Variants in HPCAL4 observed in about 807,000 individuals in gnomAD.
The protein encoded by HPCAL4 is hippocalcin like 4, also known as hippocalcin-like protein 4.
In HPCAL4, 16 loss-of-function variants were observed where a neutral mutation model predicts 18.2. The observed-to-expected ratio is 0.88, with a 90% CI of 0.59 to 1.33. The LOEUF (loss-of-function observed/expected upper bound fraction) is 1.33, where lower values mean the gene tolerates loss of function less well. HPCAL4 is among the 40% of genes most tolerant of loss of function. HPCAL4 has a pLI of 0.00. For synonymous variants in HPCAL4, 80 were observed against 97.5 expected, an observed-to-expected ratio of 0.82 and a Z score of 1.06; for missense variants, 214 against 256.6, an observed-to-expected ratio of 0.83 and a Z score of 1.14.
In HPCAL4 at chr1:39,682,616, T is replaced by C. The variant is rs1223602193; in HGVS notation, c.496A>G (p.Ile166Val). 1 of 1,614,224 alleles carries C rather than the reference T, an allele frequency of 6.2e-7. No homozygotes were observed. The highest frequency in any genetic ancestry group is 2.2e-5 in the East Asian group (1 of 44,874). ...GCCTCCTTGAACTCCTCCAATGTAA[T>C]CTGGTCGTCCTTATCCTGGTCCATC... ...KKMDQDKDDQ[I>V]TLEEFKEAAK... is the part of the protein sequence containing the mutation. The change falls in exon 4 of 4, where the codon ATT becomes GTT. Residue 166 changes from isoleucine to valine, a missense_variant. By Grantham distance (29) the Ile-to-Val change is conservative (BLOSUM62 3). Coordinates refer to ENST00000372844, the MANE Select transcript of HPCAL4 (RefSeq NM_016257.4).
At chr1:39,687,730 C>G (rs1436529699) in intron 1 of HPCAL4, among the ~76,000 whole-genome samples, 3 of 151,990 alleles carry the variant, frequency 2.0e-5, no homozygotes, top group African/African-American at 7.3e-5. Context: ...ATAAGGAAAC[C>G]CTGTTTCTAC....
intron 1 of HPCAL4, among the ~76,000 whole-genome samples, chr1:39,690,141 C>T (rs1646707019): frequency 6.6e-6 from 1 of 152,070 alleles, no homozygotes; most frequent in Admixed American, 6.6e-5. Context: ...ACCAACCCCG[C>T]CCCCCTCAGG....
chr1:39,689,821 T>G (rs1336139923), intron 1 of HPCAL4, among the ~76,000 whole-genome samples: 2 of 151,970 alleles, frequency 1.3e-5, no homozygotes, highest in African/African-American at 4.8e-5. Flanking sequence ...GGTACTGAGG[T>G]GGTTGCCATG....
rs1420921240 is a variant in HPCAL4 at position 39,682,504 on chromosome 1, T to C, written c.*32A>G. The C allele has an allele frequency of 2.0e-5, 33 of 1,610,862 alleles. No homozygotes were observed. Among genetic ancestry groups the C allele is most frequent in the Non-Finnish European group, 2.7e-5 (32 of 1,177,398 alleles). ...TCAGGTTGGGAGGTGGCCATGCCCC[T>C]TCTGGCCAGGGACCCTGCCCCTCAC... On this transcript the variant is annotated 3_prime_UTR_variant, in exon 4 of 4. Coordinates refer to ENST00000372844, the MANE Select transcript of HPCAL4 (RefSeq NM_016257.4).
intron 1 of HPCAL4, among the ~76,000 whole-genome samples, chr1:39,690,613 C>A (rs1646710558): frequency 6.6e-6 from 1 of 152,022 alleles, no homozygotes; most frequent in African/African-American, 2.4e-5. Context: ...GGGGTGGTGT[C>A]TTTGGTTCAT....
In HPCAL4 at chr1:39,680,155, A is replaced by G. The variant is rs1646613532; in HGVS notation, c.*2381T>C. 1 of 152,628 alleles carries G rather than the reference A, an allele frequency of 6.6e-6. No individual in the cohort carries two copies. Among genetic ancestry groups the G allele is most frequent in the Non-Finnish European group, 1.5e-5 (1 of 68,040 alleles). The allele number at this position is 152,628 out of a possible 1,614,324, so 9.5% of individuals were successfully genotyped here. The stretch of plus-strand genomic sequence containing the variant: ...GCCTATAAAGGATGAATATCAATGT[A>G]ACTTGCCCTGCTGTCAACCTCTGCA... On this transcript the variant is annotated 3_prime_UTR_variant, in exon 4 of 4. Coordinates refer to ENST00000372844, the MANE Select transcript of HPCAL4 (RefSeq NM_016257.4).
In HPCAL4 at chr1:39,684,590, T is replaced by C. The variant is rs1476706992; in HGVS notation, c.14A>G (p.Asn5Ser). The change falls in exon 2 of 4, where the codon AAC (asparagine) becomes AGC (serine). Residue 5 changes from asparagine to serine, a missense_variant. Transcript: ENST00000372844. ...CAGCACCTCGGGGGCCAGCTTGCTG[T>C]TGGTCTTCCCCATGGCGGGGCCTGT... The part of the protein sequence containing the change: MGKT[N>S]SKLAPEVLED... The C allele has an allele frequency of 1.9e-6, 3 of 1,603,052 alleles. No individual in the cohort carries two copies. Among genetic ancestry groups the C allele is most frequent in the African/African-American group, 2.7e-5 (2 of 74,604 alleles).
rs902943272 is a variant in HPCAL4, at chr1:39,680,989, G to C, written c.*1547C>G. 2 of 152,722 alleles carry C rather than the reference G, an allele frequency of 1.3e-5. No individual in the cohort carries two copies. The highest frequency in any genetic ancestry group is 4.8e-5 in the African/African-American group (2 of 41,558). 9.5% of individuals were successfully genotyped at this position (152,722 alleles called of 1,614,324 possible). A position where few individuals can be genotyped will look rare whatever the true frequency, so the allele number is the denominator to read the frequency against. On this transcript the variant is annotated 3_prime_UTR_variant, in exon 4 of 4. Coordinates refer to ENST00000372844, the MANE Select transcript of HPCAL4 (RefSeq NM_016257.4). Reference sequence around the variant, plus strand: ...ACCTGTGTACTAGACTGTTTTCACCGGCAGTTCAAGAGGAAATCAACTGTC... The same window carrying C: ...ACCTGTGTACTAGACTGTTTTCACCCGCAGTTCAAGAGGAAATCAACTGTC...
rs2124182395 is a variant in HPCAL4 at position 39,681,415 on chromosome 1, CTT to C, written c.*1119_*1120del. The C allele has an allele frequency of 6.6e-6, 1 of 152,342 alleles. No homozygotes were observed. The highest frequency in any genetic ancestry group is 2.4e-5 in the African/African-American group (1 of 41,578). The allele number at this position is 152,342 out of a possible 1,614,324, so 9.4% of individuals were successfully genotyped here. A position where few individuals can be genotyped will look rare whatever the true frequency, so the allele number is the denominator to read the frequency against. ...ATACGGAATATACACTAGTTTCACTCTTTGCAAACCTTGCTTTTTCCTGTCCC... is the reference window on the plus strand; with the variant it reads ...ATACGGAATATACACTAGTTTCACTCTGCAAACCTTGCTTTTTCCTGTCCC... On this transcript the variant is annotated 3_prime_UTR_variant, in exon 4 of 4. Coordinates refer to ENST00000372844, the MANE Select transcript of HPCAL4 (RefSeq NM_016257.4).
At chr1:39,685,705 C>A (rs535548750) in intron 1 of HPCAL4, among the ~76,000 whole-genome samples, 12 of 152,046 alleles carry the variant, frequency 7.9e-5, no homozygotes, top group African/African-American at 2.2e-4. Flanking sequence ...CGGTGAAACC[C>A]TGTCTCTACT....
In HPCAL4 at chr1:39,684,048, C is replaced by G; in HGVS notation, c.267G>C (p.Leu89=). ...CGAAGCTGCCGCGGGAGGTGACCGA[C>G]AGGGCGCAGATGAACTCCCGGAAGT... ...TIDFREFICA[L]SVTSRGSFEQ... Residue 89 remains leucine (L), a synonymous_variant, in exon 3 of 4, where the codon CTG becomes CTC. Transcript: ENST00000372844. 1.9e-6 allele frequency: 3 copies of G among 1,614,036 alleles called. No individual in the cohort carries two copies. Among genetic ancestry groups the G allele is most frequent in the Non-Finnish European group, 2.5e-6 (3 of 1,179,930 alleles).
At chr1:39,689,535 AAAGTG>A (rs1418235526) in intron 1 of HPCAL4, among the ~76,000 whole-genome samples, 1 of 152,230 alleles carries the variant, frequency 6.6e-6, no homozygotes, top group Non-Finnish European at 1.5e-5. Context: ...CATCAGCAGC[AAAGTG>A]AAGGCCAGAA....
Position 39,682,724 on chromosome 1 carries a change from T to C in HPCAL4, c.388A>G (p.Lys130Glu). ...EMLEIIEAIY[K>E]MVGTVIMMRM... The stretch of plus-strand genomic sequence containing the variant: ...ATCATGATCACGGTGCCCACCATCT[T>C]GTAGATTGCCTGGTGAGGGAAGGAG... Residue 130 changes from lysine (K) to glutamate (E), a missense_variant, in exon 4 of 4, where the codon AAG becomes GAG. By Grantham distance (56) the Lys-to-Glu change is moderately conservative (BLOSUM62 1). Transcript: ENST00000372844. 1 of 1,614,028 alleles carries C rather than the reference T, an allele frequency of 6.2e-7. No individual in the cohort carries two copies. The highest frequency in any genetic ancestry group is 8.5e-7 in the Non-Finnish European group (1 of 1,180,012).
In HPCAL4 at chr1:39,683,931, C is replaced by G. The variant is rs375337091; in HGVS notation, c.378+6G>C. ...CGGGAACAGCAGCGCCCGCGCGGCC[C>G]CGCACCTCGATGATCTCCAGCATCT... On this transcript the variant is annotated splice_donor_region_variant and intron_variant, in intron 3 of 3. Coordinates refer to ENST00000372844, the MANE Select transcript of HPCAL4 (RefSeq NM_016257.4). 340 of 1,612,232 alleles carry G rather than the reference C, an allele frequency of 2.1e-4. No individual in the cohort carries two copies. The highest frequency in any genetic ancestry group is 2.8e-4 in the Non-Finnish European group (329 of 1,179,316).
chr1:39,679,735 G>A lies in HPCAL4; in HGVS notation c.*2801C>T, dbSNP rs546757443. 12 of 152,342 alleles carry A rather than the reference G, an allele frequency of 7.9e-5. No homozygotes were observed. In the South Asian group the frequency reaches 2.3e-3, roughly 29 times the overall value. The allele number at this position is 152,342 out of a possible 1,614,324, so 9.4% of individuals were successfully genotyped here. The stretch of plus-strand genomic sequence containing the variant: ...AGCACACAGTCCCTGGGACACCCAG[G>A]AGTATGCAGGAGCATGTCCTGGGCC... On this transcript the variant is annotated 3_prime_UTR_variant, in exon 4 of 4. Coordinates refer to ENST00000372844, the MANE Select transcript of HPCAL4 (RefSeq NM_016257.4).
Position 39,682,440 on chromosome 1 carries a change from G to T in HPCAL4, c.*96C>A. The T allele has an allele frequency of 8.6e-7, 1 of 1,159,966 alleles. No individual in the cohort carries two copies. The highest frequency in any genetic ancestry group is 1.3e-6 in the Non-Finnish European group (1 of 791,458). The allele number at this position is 1,159,966 out of a possible 1,614,324, so 71.9% of individuals were successfully genotyped here. A position where few individuals can be genotyped will look rare whatever the true frequency, so the allele number is the denominator to read the frequency against. On this transcript the variant is annotated 3_prime_UTR_variant, in exon 4 of 4. Transcript: ENST00000372844. ...ACTGGGTGGGCCAGAGAGGGGGGCTGGAGTGTCCCTCCTCCTGGGAGGCCA... is the reference window on the plus strand; with the variant it reads ...ACTGGGTGGGCCAGAGAGGGGGGCTTGAGTGTCCCTCCTCCTGGGAGGCCA...
chr1:39,687,963 AAG>A (rs1467462018), intron 1 of HPCAL4, among the ~76,000 whole-genome samples: 1 of 152,182 alleles, frequency 6.6e-6, no homozygotes, highest in African/African-American at 2.4e-5. Flanking sequence ...CGTGCCCTTT[AAG>A]ATCATCCCCT....
chr1:39,683,289 G>T (rs935025368), intron 3 of HPCAL4, among the ~76,000 whole-genome samples: 1 of 152,164 alleles, frequency 6.6e-6, no homozygotes, highest in African/African-American at 2.4e-5. Context: ...CTCCCCGTAT[G>T]ACCACCTTCC....
chr1:39,684,900 C>G (rs2090434), intron 1 of HPCAL4, among the ~76,000 whole-genome samples: 127,132 of 152,192 alleles, frequency 0.84, 53,164 homozygotes, highest in Middle Eastern at 0.88. Flanking sequence ...CATGGCTCCC[C>G]TGCCCACAGA....
Sources: allele counts gnomAD v4.1 joint callset (sites outside exome capture counted in the v4.1 genomes callset), GRCh38; gene constraint gnomAD v4.1.1; transcripts MANE v1.5; gene names NCBI Gene and HGNC (gene_info 2026-07-23, HGNC 2026-07-21).